Variants in GALNTL6 observed in about 807,000 individuals in gnomAD.
GALNTL6 encodes polypeptide N-acetylgalactosaminyltransferase-like 6.
In GALNTL6, 46 loss-of-function variants were observed where a neutral mutation model predicts 73.7. The ratio of observed to expected loss-of-function variants is 0.62; its 90% confidence interval spans 0.49 to 0.80. GALNTL6 has a LOEUF of 0.80. Among genes scored for constraint, GALNTL6 ranks in the 30% least tolerant of loss-of-function variants. The pLI is 0.00. For missense variants in GALNTL6, 604 were observed against 755.0 expected (o/e 0.80, Z 2.34); for synonymous variants, 259 against 263.7 (o/e 0.98, Z 0.17).
At chr4:172,872,187 G>A (rs974766021) in intron 7 of GALNTL6, among the ~76,000 whole-genome samples, 1 of 152,200 alleles carries the variant, frequency 6.6e-6, no homozygotes, top group Non-Finnish European at 1.5e-5. Flanking sequence ...GTCATAAGAA[G>A]TAGAGTTTTG....
At chr4:172,355,069 A>G (rs1205497306) in intron 5 of GALNTL6, among the ~76,000 whole-genome samples, 1 of 152,046 alleles carries the variant, frequency 6.6e-6, no homozygotes, top group Non-Finnish European at 1.5e-5. Flanking sequence ...AAGGATTTTG[A>G]GATACTATAG....
At chr4:172,331,887 A>C (rs529441546) in intron 4 of GALNTL6, among the ~76,000 whole-genome samples, 1 of 152,280 alleles carries the variant, frequency 6.6e-6, no homozygotes, top group South Asian at 2.1e-4. Context: ...ATAAATCCCC[A>C]AAAAAGAGAT....
At chr4:172,939,631 C>T (rs1748816080) in intron 9 of GALNTL6, among the ~76,000 whole-genome samples, 1 of 152,162 alleles carries the variant, frequency 6.6e-6, no homozygotes, top group Non-Finnish European at 1.5e-5. Context: ...AGCATTGGGC[C>T]TTGCCAGTTA....
chr4:172,406,346 A>G (rs961540285), intron 5 of GALNTL6, among the ~76,000 whole-genome samples: 3 of 152,000 alleles, frequency 2.0e-5, no homozygotes, highest in African/African-American at 7.2e-5. Flanking sequence ...TTAGAAATTA[A>G]AAATTAAGTC....
At chr4:172,359,921 C>A (rs1318743525) in intron 5 of GALNTL6, among the ~76,000 whole-genome samples, 1 of 152,148 alleles carries the variant, frequency 6.6e-6, no homozygotes, top group Non-Finnish European at 1.5e-5. Flanking sequence ...TGACTCTCAG[C>A]CCCATGGTAA....
In GALNTL6 at chr4:172,559,002, G is replaced by T. The variant is rs557696277; in HGVS notation, c.553+210313G>T. Among the ~76,000 whole-genome samples, 12 of 140,000 alleles carry T rather than the reference G, an allele frequency of 8.6e-5. 1 individual carries two copies. The South Asian group carries it at 1.2e-3, about 14-fold the overall frequency. The allele number at this position is 140,000 out of a possible 152,430, so 91.8% of individuals were successfully genotyped here. On this transcript the variant is annotated intron_variant, in intron 5 of 12. Coordinates refer to ENST00000506823, the MANE Select transcript of GALNTL6 (RefSeq NM_001034845.3). Reference sequence around the variant, plus strand: ...ATTGTTTGAGATTTTAGAATTAAAAGATTTACATAAAATTTCCTGAGATAT... The same window carrying T: ...ATTGTTTGAGATTTTAGAATTAAAATATTTACATAAAATTTCCTGAGATAT...
chr4:172,075,546 AG>A (rs1731676857), intron 2 of GALNTL6, among the ~76,000 whole-genome samples: 1 of 152,126 alleles, frequency 6.6e-6, no homozygotes, highest in African/African-American at 2.4e-5. Flanking sequence ...CGTCTTAGCC[AG>A]GATGGTCTCG....
At chr4:173,028,768 C>T (rs1257029169) in intron 12 of GALNTL6, among the ~76,000 whole-genome samples, 5 of 152,148 alleles carry the variant, frequency 3.3e-5, no homozygotes, top group Non-Finnish European at 4.4e-5. Context: ...AACCTCCCAA[C>T]GACCAAAAAT....
intron 5 of GALNTL6, among the ~76,000 whole-genome samples, chr4:172,353,198 T>C (rs900724523): frequency 6.6e-6 from 1 of 152,064 alleles, no homozygotes; most frequent in Non-Finnish European, 1.5e-5. Context: ...CCCAGCACTT[T>C]GGGAGGCTGA....
chr4:172,927,537 A>C (rs1748119165), intron 8 of GALNTL6, among the ~76,000 whole-genome samples: 1 of 152,122 alleles, frequency 6.6e-6, no homozygotes, highest in African/African-American at 2.4e-5. Context: ...AAATTCAAAA[A>C]AAGGCACAGA....
chr4:172,468,577 C>A (rs939477047), intron 5 of GALNTL6, among the ~76,000 whole-genome samples: 2 of 152,090 alleles, frequency 1.3e-5, no homozygotes, highest in African/African-American at 4.8e-5. Context: ...ATGTTAGAAA[C>A]TATTTGATCT....
At chr4:171,820,276 G>C (rs1160593922) in intron 2 of GALNTL6, among the ~76,000 whole-genome samples, 1 of 152,154 alleles carries the variant, frequency 6.6e-6, no homozygotes, top group Non-Finnish European at 1.5e-5. Flanking sequence ...ATCAGAAAGA[G>C]GGTGAACAAA....
At chr4:172,863,974 T>C (rs1744530641) in intron 7 of GALNTL6, among the ~76,000 whole-genome samples, 1 of 152,112 alleles carries the variant, frequency 6.6e-6, no homozygotes, top group South Asian at 2.1e-4. Flanking sequence ...AGTGAATAAG[T>C]CTCATGAGAT....
intron 5 of GALNTL6, among the ~76,000 whole-genome samples, chr4:172,749,096 T>G (rs979900490): frequency 1.4e-4 from 21 of 151,930 alleles, no homozygotes; most frequent in East Asian, 5.8e-4. Context: ...TTGTTTGTTT[T>G]TTTTTTGATA....
intron 2 of GALNTL6, among the ~76,000 whole-genome samples, chr4:172,155,080 C>G (rs773927240): frequency 6.6e-6 from 1 of 151,296 alleles, no homozygotes; most frequent in South Asian, 2.1e-4. Context: ...TCACTGCAAC[C>G]TCCGCCTCCT....
chr4:171,863,181 AAGG>A (rs2110881975), intron 2 of GALNTL6, among the ~76,000 whole-genome samples: 1 of 152,288 alleles, frequency 6.6e-6, no homozygotes, highest in Non-Finnish European at 1.5e-5. Context: ...CCATCCTTGA[AAGG>A]AGTACAAGGC....
chr4:172,611,441 G>A (rs1026870058), intron 5 of GALNTL6, among the ~76,000 whole-genome samples: 1 of 151,956 alleles, frequency 6.6e-6, no homozygotes, highest in African/African-American at 2.4e-5. Flanking sequence ...GCTTAGTTTG[G>A]CTGGATATGA....
At chr4:172,051,292 G>T (rs573940457) in intron 2 of GALNTL6, among the ~76,000 whole-genome samples, 1 of 152,140 alleles carries the variant, frequency 6.6e-6, no homozygotes, top group African/African-American at 2.4e-5. Flanking sequence ...CCAAGTGGGC[G>T]TGTATTACAG....
intron 5 of GALNTL6, among the ~76,000 whole-genome samples, chr4:172,521,336 A>G (rs990549714): frequency 1.3e-5 from 2 of 152,152 alleles, no homozygotes; most frequent in Non-Finnish European, 2.9e-5. Flanking sequence ...GGTATAAAAC[A>G]TTTTACCACA....
Sources: allele counts gnomAD v4.1 joint callset (sites outside exome capture counted in the v4.1 genomes callset), GRCh38; gene constraint gnomAD v4.1.1; transcripts MANE v1.5; gene names NCBI Gene and HGNC (gene_info 2026-07-23, HGNC 2026-07-21).